DLGAP5: variants seen among roughly 807,000 people sequenced by gnomAD.
DLGAP5 encodes DLG associated protein 5.
A neutral mutation model predicts 99.6 loss-of-function variants in DLGAP5; 90 were observed. The observed-to-expected ratio is 0.90, with a 90% CI of 0.76 to 1.08. DLGAP5 has a LOEUF of 1.08. DLGAP5 is among the 50% of genes least tolerant of loss of function. DLGAP5 has a pLI of 0.00. For synonymous variants in DLGAP5, 311 were observed against 321.3 expected (o/e 0.97, Z 0.34); for missense variants, 1,036 against 983.5 (o/e 1.05, Z -0.71).
At chr14:55,177,886 C>G (rs1883135425) in intron 7 of DLGAP5, among the ~76,000 whole-genome samples, 1 of 151,754 alleles carries the variant, frequency 6.6e-6, no homozygotes. Context: ...GGTATTACAA[C>G]AAATTAAAAG....
Position 55,154,756 on chromosome 14 carries a change from A to G in DLGAP5, c.1924T>C (p.Ser642Pro), listed in dbSNP as rs1271551310. 3 of 1,614,156 alleles carry G rather than the reference A, an allele frequency of 1.9e-6. No homozygotes were observed. In the African/African-American group the frequency reaches 4.0e-5, roughly 22 times the overall value. The change falls in exon 15 of 19, where the codon TCT (serine) becomes CCT (proline). Residue 642 changes from serine to proline, a missense_variant. Coordinates refer to ENST00000247191, the MANE Select transcript of DLGAP5 (RefSeq NM_014750.5). ...CTCTGAGATACAGCTTTGTTGACAG[A>G]CTTAGGTGTTCCAAGTCTTTGAGAA... ...GPSQRLGTPK[S>P]VNKAVSQSRN...
At chr14:55,168,018 C>G (rs1210942750) in intron 12 of DLGAP5, among the ~76,000 whole-genome samples, 1 of 151,994 alleles carries the variant, frequency 6.6e-6, no homozygotes, top group Non-Finnish European at 1.5e-5. Flanking sequence ...TTCTGGAATT[C>G]CTATAATTTG....
chr14:55,188,603 G>A (rs1228428025), intron 2 of DLGAP5, among the ~76,000 whole-genome samples: 1 of 152,020 alleles, frequency 6.6e-6, no homozygotes, highest in East Asian at 1.9e-4. Context: ...AAAGACAGTA[G>A]TTAGTTGTAG....
At chr14:55,178,339 A>T (rs75471327) in intron 7 of DLGAP5, among the ~76,000 whole-genome samples, 1,864 of 152,346 alleles carry the variant, frequency 0.012, 41 homozygotes, top group African/African-American at 0.043. Flanking sequence ...CAAATTCTTA[A>T]GTTAAATAAC....
chr14:55,153,533 T>C (rs1217757090), intron 15 of DLGAP5, among the ~76,000 whole-genome samples: 4 of 119,296 alleles, frequency 3.4e-5, no homozygotes, highest in African/African-American at 1.7e-4. Context: ...AGAGCGACAC[T>C]CCGTCTCAAA....
chr14:55,181,710 G>A (rs79507529), intron 4 of DLGAP5, among the ~76,000 whole-genome samples: 332 of 152,218 alleles, frequency 2.2e-3, no homozygotes, highest in Middle Eastern at 0.01. Flanking sequence ...TTTCATCTCA[G>A]GGAGGCCTTC....
At chr14:55,187,190 C>T (rs368663533) in intron 2 of DLGAP5, among the ~76,000 whole-genome samples, 1 of 151,986 alleles carries the variant, frequency 6.6e-6, no homozygotes. Flanking sequence ...TATGAGCCAC[C>T]GCATCTGGCC....
chr14:55,149,151 A>C (rs1436483457), intron 18 of DLGAP5, among the ~76,000 whole-genome samples: 2 of 152,246 alleles, frequency 1.3e-5, no homozygotes, highest in East Asian at 3.8e-4. Context: ...AGAACATATA[A>C]GATAATTGTG....
intron 2 of DLGAP5, among the ~76,000 whole-genome samples, chr14:55,184,558 T>C (rs1248112343): frequency 6.6e-6 from 1 of 152,222 alleles, no homozygotes; most frequent in Non-Finnish European, 1.5e-5. Context: ...GGCTGACTTG[T>C]GTGACCAAGA....
Position 55,169,422 on chromosome 14 carries a change from A to G in DLGAP5, c.1525T>C (p.Phe509Leu). Residue 509 changes from phenylalanine (F) to leucine (L), a missense_variant, in exon 12 of 19, where the codon TTT becomes CTT. By Grantham distance (22) the Phe-to-Leu change is conservative. Coordinates refer to ENST00000247191, the MANE Select transcript of DLGAP5 (RefSeq NM_014750.5). Reference protein sequence around the residue: ...KETTCTDLDGFWDMVSFQIED... With the variant: ...KETTCTDLDGLWDMVSFQIED... ...ACCTGAAAACTAACCATATCCCAAA[A>G]TCCATCCAGATCTGTACAGGTAGTC... 1 of 1,553,860 alleles carries G rather than the reference A, an allele frequency of 6.4e-7. No individual in the cohort carries two copies.
intron 12 of DLGAP5, among the ~76,000 whole-genome samples, chr14:55,168,934 T>C (rs1882743214): frequency 6.6e-6 from 1 of 152,070 alleles, no homozygotes; most frequent in Non-Finnish European, 1.5e-5. Flanking sequence ...CCTAGCACTT[T>C]GGGAGGCCGA....
chr14:55,167,925 T>C (rs912133431), intron 12 of DLGAP5, among the ~76,000 whole-genome samples: 1 of 152,194 alleles, frequency 6.6e-6, no homozygotes, highest in African/African-American at 2.4e-5. Flanking sequence ...TTATGTAAGT[T>C]GCTGTGGGTC....
chr14:55,186,678 C>A (rs1323108346), intron 2 of DLGAP5, among the ~76,000 whole-genome samples: 1 of 88,394 alleles, frequency 1.1e-5, no homozygotes, highest in Non-Finnish European at 1.8e-5. Context: ...CCATTCCAAT[C>A]TTTCACTCCC....
At chr14:55,150,680 G>A (rs1881984615) in intron 18 of DLGAP5, 119 bp downstream of exon 18, 2 of 719,296 alleles carry the variant, frequency 2.8e-6, no homozygotes, top group South Asian at 2.4e-5. Flanking sequence ...AATGAAGAGT[G>A]AGTAAGCAAA....
intron 12 of DLGAP5, among the ~76,000 whole-genome samples, chr14:55,165,810 C>T (rs1047847557): frequency 1.3e-5 from 2 of 152,170 alleles, no homozygotes; most frequent in Non-Finnish European, 2.9e-5. Context: ...TCTCTCCTCC[C>T]TGCCAAATAT....
rs764574587 is a variant in DLGAP5 at position 55,175,967 on chromosome 14, G to T, written c.1101C>A (p.Tyr367Ter). 6.2e-7 allele frequency: 1 copy of T among 1,609,214 alleles called. No individual in the cohort carries two copies. Reference protein sequence around the residue: ...KEILAQKCKTYSTKTIQQDSN... With the variant: ...KEILAQKCKT ...AATCTTGCTGTATTGTCTTGGTAGA[G>T]TAAGTTTTACATTTTTGTGCCAAAA... The change falls in exon 9 of 19, where the codon TAC becomes TAA. Residue 367 changes from tyrosine to a stop codon, truncating the protein, a stop_gained. Transcript: ENST00000247191. LOFTEE classifies it high-confidence loss of function.
chr14:55,190,221 G>A (rs999929583), intron 1 of DLGAP5, among the ~76,000 whole-genome samples: 1 of 151,664 alleles, frequency 6.6e-6, no homozygotes, highest in South Asian at 2.1e-4. Context: ...CTTGAGCCCA[G>A]GAGTTTGAGA....
At position 55,168,346 on chromosome 14, in the gene DLGAP5, C is replaced by A. The variant is rs191888420; in HGVS notation, c.1548+1053G>T. Among the ~76,000 whole-genome samples, 8 of 152,256 alleles carry A rather than the reference C, an allele frequency of 5.3e-5. No homozygotes were observed. The East Asian group carries it at 1.4e-3, about 26-fold the overall frequency. On this transcript the variant is annotated intron_variant, in intron 12 of 18. Coordinates refer to ENST00000247191, the MANE Select transcript of DLGAP5 (RefSeq NM_014750.5). ...AAGAGCTATTTATTCTCTGAATGTT[C>A]TTTTTCTAACAGGTATTTTTACTTG...
At chr14:55,178,043 G>A (rs550402969) in intron 7 of DLGAP5, among the ~76,000 whole-genome samples, 3 of 151,246 alleles carry the variant, frequency 2.0e-5, no homozygotes, top group Non-Finnish European at 4.4e-5. Context: ...ACAAGGTCGG[G>A]AGATCGAGAC....
Sources: gnomAD v4.1 joint callset for allele counts (sites outside exome capture counted in the v4.1 genomes callset) on GRCh38, gnomAD v4.1.1 for gene constraint, MANE v1.5 for transcripts, NCBI Gene and HGNC (gene_info 2026-07-23, HGNC 2026-07-21) for gene names.